Variants in EPS8L1 observed in about 807,000 individuals in gnomAD.
EPS8L1 encodes the protein epidermal growth factor receptor kinase substrate 8-like protein 1.
In EPS8L1, 101 loss-of-function variants were observed where a neutral mutation model predicts 91.7. The ratio of observed to expected loss-of-function variants is 1.10; its 90% CI spans 0.94 to 1.30. The LOEUF (loss-of-function observed/expected upper bound fraction) is 1.30. EPS8L1 is among the 50% of genes most tolerant of loss of function. EPS8L1 has a pLI of 0.00. For synonymous variants in EPS8L1, 506 were observed against 445.3 expected, an observed-to-expected ratio of 1.14 and a Z score of -1.72; for missense variants, 1,114 against 1,017.0, an observed-to-expected ratio of 1.10 and a Z score of -1.30.
chr19:55,084,747 T>C (rs1314811688), intron 14 of EPS8L1: 1 of 152,192 alleles, frequency 6.6e-6, no homozygotes, highest in African/African-American at 2.4e-5. Flanking sequence ...TGTTCACAGC[T>C]TCAAGTCACT....
intron 18 of EPS8L1, 46 bp downstream of exon 18, chr19:55,086,934 G>GGGAGC: frequency 1.4e-6 from 2 of 1,403,992 alleles, no homozygotes; most frequent in East Asian, 5.7e-5. Flanking sequence ...TACGGACGCT[G>GGGAGC]GGAGCGGAGC....
intron 1 of EPS8L1, 116 bp from the exon 2 acceptor site, chr19:55,076,292 C>A: frequency 1.1e-6 from 1 of 880,262 alleles, no homozygotes; most frequent in Non-Finnish European, 1.7e-6. Context: ...GGGGCCTGGA[C>A]TCCTGGGCCT....
chr19:55,076,127 GGAGGAGATGGGGCCT>G (rs2076123859), intron 1 of EPS8L1, among the ~76,000 whole-genome samples: 6 of 119,088 alleles, frequency 5.0e-5, no homozygotes, highest in Admixed American at 1.7e-4. Flanking sequence ...GTCTGAGGGA[GGAGGAGATGGGGCCT>G]GGACTCCTGG....
rs1212766694 is a variant in EPS8L1 at position 55,087,818 on chromosome 19, G to A, written c.*204G>A. Reference sequence around the variant, plus strand: ...TGGACTGGCTGGGAGTGGGGAGGGCGTGGAGACAGTCTACGGAAAGCGCTA... The same window carrying A: ...TGGACTGGCTGGGAGTGGGGAGGGCATGGAGACAGTCTACGGAAAGCGCTA... On this transcript the variant is annotated 3_prime_UTR_variant, in exon 20 of 20. Coordinates refer to ENST00000201647, the MANE Select transcript of EPS8L1 (RefSeq NM_133180.3). The A allele has an allele frequency of 8.2e-6, 5 of 606,292 alleles. No individual in the cohort carries two copies. The highest frequency in any genetic ancestry group is 3.7e-5 in the African/African-American group (2 of 53,994). 37.6% of individuals were successfully genotyped at this position (606,292 alleles called of 1,614,324 possible). A position where few individuals can be genotyped will look rare whatever the true frequency, so the allele number is the denominator to read the frequency against.
At chr19:55,078,014 GCTGCCCTGCTTGGCATTTCCACAGGAT>G in intron 2 of EPS8L1, 47 bp from the exon 3 acceptor site, 2 of 1,378,998 alleles carry the variant, frequency 1.5e-6, no homozygotes, top group South Asian at 2.4e-5. Flanking sequence ...TGAAGCCCTT[GCTGCCCTGCTTGGCATTTCCACAGGAT>G]CTGCCCCCAG....
chr19:55,081,278 C>A lies in EPS8L1; in HGVS notation c.560C>A (p.Thr187Asn). The change falls in exon 8 of 20, where the codon ACC becomes AAC. Residue 187 changes from threonine to asparagine, a missense_variant. Thr to Asn is a moderately conservative substitution (Grantham distance 65). Transcript: ENST00000201647. This position sits in a 1 kb window ranked among gnomAD's most constrained non-coding sequence, Gnocchi z 4.9. ...CGCGACCGCTCGCCCGCCGCTGAGA[C>A]CCCGCCCCTGCAGCGCCGCCCGTCA... ...LQRDRSPAAE[T>N]PPLQRRPSVR... 6.5e-7 allele frequency: 1 copy of A among 1,542,892 alleles called. No individual in the cohort carries two copies. Among genetic ancestry groups the A allele is most frequent in the Non-Finnish European group, 8.7e-7 (1 of 1,153,302 alleles).
intron 14 of EPS8L1, 113 bp from the exon 15 acceptor site, chr19:55,085,728 G>A (rs1457964832): frequency 4.9e-6 from 6 of 1,229,956 alleles, no homozygotes; most frequent in East Asian, 2.4e-5. Flanking sequence ...GTATTAACCC[G>A]GCCCCTGCTG....
chr19:55,086,636 C>CCCCCCCCCCCCCCCCCCCACGG, intron 17 of EPS8L1, 78 bp from the exon 18 acceptor site: 2 of 956,956 alleles, frequency 2.1e-6, no homozygotes, highest in Non-Finnish European at 2.9e-6. Context: ...CGCTGGAGCG[C>CCCCCCCCCCCCCCCCCCCACGG]CCCCCCGCCC....
rs1568785008 is a variant in EPS8L1, at chr19:55,081,360, G to A, written c.642G>A (p.Ala214=). 11 of 1,568,600 alleles carry A rather than the reference G, an allele frequency of 7.0e-6. No individual in the cohort carries two copies. Among genetic ancestry groups the A allele is most frequent in the African/African-American group, 1.3e-5 (1 of 74,198 alleles). Residue 214 remains alanine, a synonymous_variant, in exon 8 of 20, where the codon GCG becomes GCA. Coordinates refer to ENST00000201647, the MANE Select transcript of EPS8L1 (RefSeq NM_133180.3). This position sits in a 1 kb window ranked among gnomAD's most constrained non-coding sequence, Gnocchi z 4.9. ...GCGCGGGCCGCGGACGACCCCAGGC[G>A]AAGCCCATTCCCGAGGCAGAGGAGG... is the stretch of plus-strand genomic sequence containing the variant. The part of the protein sequence containing the change: ...ERGAGRGRPQ[A]KPIPEAEEAQ...
chr19:55,077,733 C>T (rs566572681), intron 2 of EPS8L1, among the ~76,000 whole-genome samples: 154 of 151,018 alleles, frequency 1.0e-3, no homozygotes, highest in African/African-American at 3.4e-3. Context: ...GCACTACAGG[C>T]GCCCACCACC....
chr19:55,080,245 C>T lies in EPS8L1; in HGVS notation c.396C>T (p.Pro132=). Reference sequence around the variant, plus strand: ...GCCAGGAACCCGAGCGCGCGCAGCCCGACGTGCACTTCTTCCAGGGCCTGC... The same window carrying T: ...GCCAGGAACCCGAGCGCGCGCAGCCTGACGTGCACTTCTTCCAGGGCCTGC... The part of the protein sequence containing the change: ...LVCQEPERAQ[P]DVHFFQGLRL... The change falls in exon 6 of 20, where the codon CCC becomes CCT. Residue 132 remains proline, a synonymous_variant. Coordinates refer to ENST00000201647, the MANE Select transcript of EPS8L1 (RefSeq NM_133180.3). 2 of 1,534,942 alleles carry T rather than the reference C, an allele frequency of 1.3e-6. No homozygotes were observed. Among genetic ancestry groups the T allele is most frequent in the Non-Finnish European group, 8.8e-7 (1 of 1,135,730 alleles).
intron 17 of EPS8L1, 79 bp from the exon 18 acceptor site, chr19:55,086,635 G>GGCCCCCCCC: frequency 7.6e-7 from 1 of 1,307,710 alleles, no homozygotes; most frequent in Non-Finnish European, 1.1e-6. Context: ...ACGCTGGAGC[G>GGCCCCCCCC]CCCCCCCGCC....
At chr19:55,077,229 G>A (rs1437420252) in intron 2 of EPS8L1, among the ~76,000 whole-genome samples, 1 of 152,202 alleles carries the variant, frequency 6.6e-6, no homozygotes, top group Non-Finnish European at 1.5e-5. Context: ...GCCCATGGGA[G>A]TGGGAGGGGA....
At chr19:55,080,998 C>A (rs764267023) in intron 7 of EPS8L1, 144 bp downstream of exon 7, 30 of 907,720 alleles carry the variant, frequency 3.3e-5, no homozygotes, top group Non-Finnish European at 4.6e-5. Context: ...ACCTCCCAGA[C>A]GAGCTGACCC....
chr19:55,087,117 G>A lies in EPS8L1; in HGVS notation c.1953-186G>A, dbSNP rs2076361156. Reference sequence around the variant, plus strand: ...GAAATCCCGTACCCTTTGAAAGCAGGATGCGGCCACGCCCCCCGGGTGGCA... The same window carrying A: ...GAAATCCCGTACCCTTTGAAAGCAGAATGCGGCCACGCCCCCCGGGTGGCA... On this transcript the variant is annotated intron_variant, in intron 18 of 19. Transcript: ENST00000201647. 9.0e-6 allele frequency: 10 copies of A among 1,105,580 alleles called. No homozygotes were observed. The East Asian group carries it at 2.6e-4, about 29-fold the overall frequency. 68.5% of individuals were successfully genotyped at this position (1,105,580 alleles called of 1,614,324 possible). A position where few individuals can be genotyped will look rare whatever the true frequency, so the allele number is the denominator to read the frequency against.
rs989522737 is a variant in EPS8L1 at position 55,082,179 on chromosome 19, T to C, written c.989T>C (p.Leu330Pro). The C allele has an allele frequency of 1.1e-5, 17 of 1,595,474 alleles. No homozygotes were observed. The highest frequency in any genetic ancestry group is 1.3e-5 in the Non-Finnish European group (15 of 1,171,308). ...LQKIKYAFSLLARLRGNIADP... is the reference protein window; with the variant it reads ...LQKIKYAFSLPARLRGNIADP... ...AAGATCAAGTACGCCTTCAGCCTGC[T>C]GGTGAGGACGCGCCCGCCCCTGGGC... The change falls in exon 10 of 20, where the codon CTG (leucine) becomes CCG (proline). Residue 330 changes from leucine (L) to proline (P), a missense_variant and splice_region_variant. By Grantham distance (98) the Leu-to-Pro change is moderately conservative. Transcript: ENST00000201647.
In EPS8L1 at chr19:55,079,847, C is replaced by T. The variant is rs745793450; in HGVS notation, c.275C>T (p.Ser92Phe). The T allele has an allele frequency of 1.2e-6, 2 of 1,611,796 alleles. No homozygotes were observed. The highest frequency in any genetic ancestry group is 2.2e-5 in the South Asian group (2 of 90,674). The change falls in exon 5 of 20, where the codon TCC (serine) becomes TTC (phenylalanine). Residue 92 changes from serine to phenylalanine, a missense_variant. Physicochemically the swap from Ser to Phe is radical, Grantham distance 155. Coordinates refer to ENST00000201647, the MANE Select transcript of EPS8L1 (RefSeq NM_133180.3). ...CATGTCACGCTGCTCGACCCGGCCT[C>T]CAAGGTGCCGGGGGGCACGTGGGTG... Reference protein sequence around the residue: ...PDHVTLLDPASKEELESYPLG... With the variant: ...PDHVTLLDPAFKEELESYPLG...
In EPS8L1 at chr19:55,081,539, G is replaced by A. The variant is rs2076261822; in HGVS notation, c.774+47G>A. ...CTGGGGGCAGGGCCAGGCGACTGGA[G>A]GCGGGGCTAGGGCGTGGAAGGGCGG... On this transcript the variant is annotated intron_variant, in intron 8 of 19. Coordinates refer to ENST00000201647, the MANE Select transcript of EPS8L1 (RefSeq NM_133180.3). This position sits in a 1 kb window ranked among gnomAD's most constrained non-coding sequence, Gnocchi z 4.9. The A allele has an allele frequency of 6.6e-7, 1 of 1,511,306 alleles. No homozygotes were observed. Among genetic ancestry groups the A allele is most frequent in the South Asian group, 1.3e-5 (1 of 75,922 alleles). The allele number at this position is 1,511,306 out of a possible 1,614,324, so 93.6% of individuals were successfully genotyped here. A position where few individuals can be genotyped will look rare whatever the true frequency, so the allele number is the denominator to read the frequency against.
At position 55,079,822 on chromosome 19, in the gene EPS8L1, C is replaced by A; in HGVS notation, c.250C>A (p.His84Asn). 6.2e-7 allele frequency: 1 copy of A among 1,613,808 alleles called. No individual in the cohort carries two copies. The highest frequency in any genetic ancestry group is 8.5e-7 in the Non-Finnish European group (1 of 1,179,890). Reference protein sequence around the residue: ...QEMLLRVSPDHVTLLDPASKE... With the variant: ...QEMLLRVSPDNVTLLDPASKE... ...GATGCTGCTGCGAGTGTCTCCCGAC[C>A]ATGTCACGCTGCTCGACCCGGCCTC... The change falls in exon 5 of 20, where the codon CAT becomes AAT. Residue 84 changes from histidine to asparagine, a missense_variant. His to Asn is a moderately conservative substitution (Grantham distance 68). Transcript: ENST00000201647.
Sources: gnomAD v4.1 joint callset for allele counts (sites outside exome capture counted in the v4.1 genomes callset) on GRCh38, gnomAD v4.1.1 for gene constraint, Gnocchi (gnomAD v3.1) non-coding constraint, MANE v1.5 for transcripts, NCBI Gene and HGNC (gene_info 2026-07-23, HGNC 2026-07-21) for gene names.